Variants in ZDHHC14 observed in about 807,000 individuals in gnomAD.
The protein encoded by ZDHHC14 is zDHHC palmitoyltransferase 14.
A neutral mutation model predicts 47.7 loss-of-function variants in ZDHHC14; 16 were observed. The ratio of observed to expected loss-of-function variants is 0.34; its 90% CI spans 0.23 to 0.51. The LOEUF (loss-of-function observed/expected upper bound fraction) is 0.51, where lower values mean the gene tolerates loss of function less well. ZDHHC14 is among the 20% of genes least tolerant of loss of function. The pLI is 0.97. For missense variants in ZDHHC14, 515 were observed against 662.5 expected, an observed-to-expected ratio of 0.78 and a Z score of 2.44; for synonymous variants, 293 against 278.9, an observed-to-expected ratio of 1.05 and a Z score of -0.50.
intron 1 of ZDHHC14, among the ~76,000 whole-genome samples, chr6:157,518,218 A>G (rs928540582): frequency 2.6e-5 from 4 of 152,130 alleles, no homozygotes; most frequent in African/African-American, 9.7e-5. Context: ...ATCATGCACT[A>G]TGAAGGAAGT....
chr6:157,537,614 G>C (rs1182528732), intron 1 of ZDHHC14, among the ~76,000 whole-genome samples: 1 of 152,176 alleles, frequency 6.6e-6, no homozygotes, highest in African/African-American at 2.4e-5. Flanking sequence ...ACACTGCCCT[G>C]AGTTGTATGT....
rs114925560 is a variant in ZDHHC14, at chr6:157,663,139, G to A, written c.1068+9512G>A. Among the ~76,000 whole-genome samples, 1,422 of 152,338 alleles carry A rather than the reference G, an allele frequency of 9.3e-3. 22 individuals carry two copies. The highest frequency in any genetic ancestry group is 0.032 in the African/African-American group (1,350 of 41,586). ...CCCATGCCCTCCCTACACTGCCTTT[G>A]CTGTGAGAAACCCAGGTTGCTTCTG... On this transcript the variant is annotated intron_variant, in intron 8 of 8. Coordinates refer to ENST00000359775, the MANE Select transcript of ZDHHC14 (RefSeq NM_024630.3).
intron 1 of ZDHHC14, among the ~76,000 whole-genome samples, chr6:157,399,428 A>G (rs1422109360): frequency 6.6e-6 from 1 of 152,200 alleles, no homozygotes; most frequent in African/African-American, 2.4e-5. Context: ...CTCATCTGTC[A>G]TCTGTAGTTG....
intron 1 of ZDHHC14, among the ~76,000 whole-genome samples, chr6:157,524,836 A>T (rs1325017432): frequency 1.3e-5 from 2 of 152,192 alleles, no homozygotes; most frequent in African/African-American, 4.8e-5. Context: ...ATCCCATTTC[A>T]TTTGATGTCT....
intron 1 of ZDHHC14, among the ~76,000 whole-genome samples, chr6:157,414,977 A>G (rs1357324263): frequency 2.0e-5 from 3 of 152,082 alleles, no homozygotes; most frequent in Non-Finnish European, 4.4e-5. Context: ...GTTTGTCTCT[A>G]TAGTTACAAC....
At chr6:157,618,941 C>G (rs1268056447) in intron 3 of ZDHHC14, among the ~76,000 whole-genome samples, 1 of 152,014 alleles carries the variant, frequency 6.6e-6, no homozygotes, top group Non-Finnish European at 1.5e-5. Context: ...CATCTTTTTT[C>G]ACCTTCTTCC....
rs954478467 is a variant in ZDHHC14 at position 157,673,409 on chromosome 6, T to C, written c.*287T>C. 29 of 478,896 alleles carry C rather than the reference T, an allele frequency of 6.1e-5. No homozygotes were observed. The highest frequency in any genetic ancestry group is 5.8e-4 in the African/African-American group (28 of 48,654). 29.7% of individuals were successfully genotyped at this position (478,896 alleles called of 1,614,324 possible). A position where few individuals can be genotyped will look rare whatever the true frequency, so the allele number is the denominator to read the frequency against. On this transcript the variant is annotated 3_prime_UTR_variant, in exon 9 of 9. Transcript: ENST00000359775. This position sits in a 1 kb window ranked among gnomAD's most constrained non-coding sequence, Gnocchi z 5.4. ...ACCCTCCAGGGGTGGAATCGGAGTGTGTCTGCCCGCCCTTGTGACAGACAC... is the reference window on the plus strand; with the variant it reads ...ACCCTCCAGGGGTGGAATCGGAGTGCGTCTGCCCGCCCTTGTGACAGACAC...
intron 2 of ZDHHC14, among the ~76,000 whole-genome samples, chr6:157,589,081 G>A (rs1562494476): frequency 6.6e-6 from 1 of 152,154 alleles, no homozygotes; most frequent in Non-Finnish European, 1.5e-5. Context: ...GGCTGTATAG[G>A]AAGCATGGCT....
intron 3 of ZDHHC14, among the ~76,000 whole-genome samples, chr6:157,626,576 T>TC (rs1253390735): frequency 6.6e-6 from 1 of 151,898 alleles, no homozygotes; most frequent in Non-Finnish European, 1.5e-5. Flanking sequence ...AGTTCCCATC[T>TC]CCCCCTCCCC....
chr6:157,611,295 T>C (rs183046909), intron 3 of ZDHHC14, among the ~76,000 whole-genome samples: 170 of 152,298 alleles, frequency 1.1e-3, no homozygotes, highest in African/African-American at 4.0e-3. Context: ...CCCCCGCGCC[T>C]GGCCAATATG....
intron 3 of ZDHHC14, among the ~76,000 whole-genome samples, chr6:157,621,547 G>A (rs962550891): frequency 2.0e-5 from 3 of 152,094 alleles, no homozygotes; most frequent in Non-Finnish European, 2.9e-5. Context: ...CTGAGCCACC[G>A]TCTGCCAAGA....
intron 1 of ZDHHC14, among the ~76,000 whole-genome samples, chr6:157,437,970 T>G (rs9456351): frequency 0.31 from 46,477 of 151,948 alleles, 7,299 homozygotes; most frequent in Admixed American, 0.42. Context: ...TCTAAATAGG[T>G]ATAAAGCTAA....
chr6:157,536,786 CCTGT>C (rs201446674), intron 1 of ZDHHC14, among the ~76,000 whole-genome samples: 5,888 of 146,686 alleles, frequency 0.04, 421 homozygotes, highest in African/African-American at 0.12. Flanking sequence ...TATCTGTCTG[CCTGT>C]CTGTCTGTCT....
chr6:157,571,809 G>A (rs1475561548), intron 2 of ZDHHC14, among the ~76,000 whole-genome samples: 2 of 146,880 alleles, frequency 1.4e-5, no homozygotes, highest in Non-Finnish European at 3.0e-5. Context: ...AGCCTGCTAG[G>A]TAAGTAAACC....
rs1783699239 is a variant in ZDHHC14 at position 157,586,410 on chromosome 6, T to G, written c.407-6578T>G. Reference sequence around the variant, plus strand: ...AATATCACGTGCAAATGCCTGGAAGTAGAAAACAGCATTGCCCGCTCAGGG... The same window carrying G: ...AATATCACGTGCAAATGCCTGGAAGGAGAAAACAGCATTGCCCGCTCAGGG... On this transcript the variant is annotated intron_variant, in intron 2 of 8. Coordinates refer to ENST00000359775, the MANE Select transcript of ZDHHC14 (RefSeq NM_024630.3). This position sits in a 1 kb window ranked among gnomAD's most constrained non-coding sequence, Gnocchi z 4.6. 6.6e-6 allele frequency among the ~76,000 whole-genome samples: 1 copy of G among 152,112 alleles called. No homozygotes were observed. The highest frequency in any genetic ancestry group is 6.5e-5 in the Admixed American group (1 of 15,268).
At chr6:157,457,394 C>G (rs1313425249) in intron 1 of ZDHHC14, among the ~76,000 whole-genome samples, 6 of 152,084 alleles carry the variant, frequency 3.9e-5, no homozygotes, top group Non-Finnish European at 7.4e-5. Context: ...AATGCCATTC[C>G]CTGGAACTGG....
intron 1 of ZDHHC14, among the ~76,000 whole-genome samples, chr6:157,457,117 T>C (rs191793548): frequency 6.7e-6 from 1 of 149,044 alleles, no homozygotes; most frequent in Admixed American, 6.8e-5. Context: ...GAGATTGCAG[T>C]GAGCCGAGAT....
intron 2 of ZDHHC14, among the ~76,000 whole-genome samples, chr6:157,574,277 G>T (rs1300273109): frequency 6.6e-6 from 1 of 152,050 alleles, no homozygotes; most frequent in Non-Finnish European, 1.5e-5. Flanking sequence ...ACAAAAATTA[G>T]CTGAGCATGG....
chr6:157,409,090 G>A (rs1424794533), intron 1 of ZDHHC14, among the ~76,000 whole-genome samples: 3 of 152,222 alleles, frequency 2.0e-5, no homozygotes, highest in Non-Finnish European at 4.4e-5. Flanking sequence ...TTGCTCGATC[G>A]CTGTCACTGT....
Sources: gnomAD v4.1 joint callset for allele counts (sites outside exome capture counted in the v4.1 genomes callset) on GRCh38, gnomAD v4.1.1 for gene constraint, Gnocchi (gnomAD v3.1) non-coding constraint, MANE v1.5 for transcripts, NCBI Gene and HGNC (gene_info 2026-07-23, HGNC 2026-07-21) for gene names.